Variants in CNTLN observed in about 807,000 individuals in gnomAD.
CNTLN encodes the protein centlein, also known as centlein, centrosomal protein.
Under a neutral mutation model 180.0 loss-of-function variants are expected in CNTLN, and 212 were observed. That is an observed-to-expected ratio of 1.18 (90% CI 1.05 to 1.32). The LOEUF is 1.32. Among genes scored for constraint, CNTLN ranks in the 40% most tolerant of loss-of-function variants. CNTLN has a pLI of 0.00. For synonymous variants in CNTLN, 722 were observed against 563.1 expected (o/e 1.28, Z -3.99); for missense variants, 2,095 against 1,610.9 (o/e 1.30, Z -5.14).
intron 14 of CNTLN, among the ~76,000 whole-genome samples, chr9:17,390,388 G>A (rs575288690): frequency 1.1e-4 from 17 of 151,682 alleles, no homozygotes; most frequent in African/African-American, 1.9e-4. Context: ...ACAGGTGTGC[G>A]CCACTATGCC....
intron 2 of CNTLN, among the ~76,000 whole-genome samples, chr9:17,218,072 T>C (rs1011780395): frequency 6.6e-6 from 1 of 152,146 alleles, no homozygotes; most frequent in African/African-American, 2.4e-5. Context: ...CATTTTAGTC[T>C]GATTGAATAA....
intron 12 of CNTLN, among the ~76,000 whole-genome samples, chr9:17,360,298 G>A (rs79641699): frequency 0.076 from 11,591 of 152,154 alleles, 488 homozygotes; most frequent in South Asian, 0.13. Context: ...CACTGCAGTC[G>A]GATTTTGCAG....
At chr9:17,435,534 T>A (rs1330832226) in intron 18 of CNTLN, among the ~76,000 whole-genome samples, 1 of 151,510 alleles carries the variant, frequency 6.6e-6, no homozygotes, top group Non-Finnish European at 1.5e-5. Flanking sequence ...CTATGAAAGG[T>A]AGTGAGAGTA....
intron 2 of CNTLN, among the ~76,000 whole-genome samples, chr9:17,176,888 A>G (rs75119737): frequency 0.054 from 8,227 of 152,102 alleles, 257 homozygotes; most frequent in East Asian, 0.17. Context: ...TTTTCTTGTT[A>G]TGGTTTTATG....
At chr9:17,282,337 C>A (rs1160531521) in intron 6 of CNTLN, among the ~76,000 whole-genome samples, 1 of 152,106 alleles carries the variant, frequency 6.6e-6, no homozygotes, top group Non-Finnish European at 1.5e-5. Flanking sequence ...CTCTAATGAT[C>A]AGTGATGTTG....
intron 13 of CNTLN, among the ~76,000 whole-genome samples, chr9:17,376,539 C>T (rs1824782967): frequency 6.6e-6 from 1 of 151,830 alleles, no homozygotes; most frequent in African/African-American, 2.4e-5. Context: ...GCAAGCTCCG[C>T]CTCCCGGGTT....
chr9:17,327,197 A>C (rs1820351487), intron 8 of CNTLN, among the ~76,000 whole-genome samples: 1 of 150,776 alleles, frequency 6.6e-6, no homozygotes, highest in Non-Finnish European at 1.5e-5. Context: ...TAAATGACAA[A>C]AATATAGTAG....
intron 13 of CNTLN, among the ~76,000 whole-genome samples, chr9:17,367,779 G>A (rs1481420261): frequency 1.3e-5 from 2 of 152,116 alleles, no homozygotes; most frequent in African/African-American, 4.8e-5. Flanking sequence ...AGGCAAGGAT[G>A]CAGTCCCGGC....
Position 17,332,677 on chromosome 9 carries a change from C to G in CNTLN, c.1591C>G (p.Leu531Val). Reference sequence around the variant, plus strand: ...CACAGACTCAGAAGAGCTACAGAAGCTGAGAAAAGCTGAAAGAAAGATTGA... The same window carrying G: ...CACAGACTCAGAAGAGCTACAGAAGGTGAGAAAAGCTGAAAGAAAGATTGA... ...SFTDSEELQK[L>V]RKAERKIENL... The change falls in exon 10 of 26, where the codon CTG becomes GTG. Residue 531 changes from leucine to valine, a missense_variant. Physicochemically the swap from Leu to Val is conservative, Grantham distance 32. Coordinates refer to ENST00000380647, the MANE Select transcript of CNTLN (RefSeq NM_017738.4). 6.2e-7 allele frequency: 1 copy of G among 1,606,822 alleles called. No homozygotes were observed.
intron 16 of CNTLN, among the ~76,000 whole-genome samples, chr9:17,410,917 G>T (rs1827797403): frequency 6.6e-6 from 1 of 152,062 alleles, no homozygotes. Flanking sequence ...TTACATTTTA[G>T]TAGTCTTGAT....
At chr9:17,452,458 G>A (rs1803041321) in intron 18 of CNTLN, among the ~76,000 whole-genome samples, 1 of 152,114 alleles carries the variant, frequency 6.6e-6, no homozygotes, top group South Asian at 2.1e-4. Context: ...ACAAATCAGG[G>A]GAATACGGGG....
chr9:17,402,975 C>T (rs1026461225), intron 15 of CNTLN, among the ~76,000 whole-genome samples: 3 of 151,796 alleles, frequency 2.0e-5, no homozygotes, highest in Non-Finnish European at 4.4e-5. Flanking sequence ...CTCTCTACTT[C>T]CCACTCCCAC....
At chr9:17,507,224 A>T (rs1199621692), downstream of CNTLN, among the ~76,000 whole-genome samples, 1 of 152,150 alleles carries the variant, frequency 6.6e-6, no homozygotes, top group Non-Finnish European at 1.5e-5. Flanking sequence ...TCCCACTTTT[A>T]AATGAGAACA....
At chr9:17,500,278 A>G (rs555959040) in intron 25 of CNTLN, among the ~76,000 whole-genome samples, 1 of 152,298 alleles carries the variant, frequency 6.6e-6, no homozygotes, top group African/African-American at 2.4e-5. Context: ...TCGTAAATGG[A>G]CTTCCCATTC....
chr9:17,219,072 C>T (rs1461348631), intron 2 of CNTLN, among the ~76,000 whole-genome samples: 3 of 152,086 alleles, frequency 2.0e-5, no homozygotes, highest in African/African-American at 7.2e-5. Flanking sequence ...ATGATTGGTG[C>T]TTAAAAGTTG....
intron 2 of CNTLN, among the ~76,000 whole-genome samples, chr9:17,179,010 C>G (rs913653193): frequency 6.8e-6 from 1 of 146,104 alleles, no homozygotes; most frequent in Non-Finnish European, 1.5e-5. Context: ...TTTGGGAGGC[C>G]GAGGCGGGCG....
chr9:17,517,089 C>T, the CNTLN span, among the ~76,000 whole-genome samples: 1 of 152,012 alleles, frequency 6.6e-6, no homozygotes, highest in African/African-American at 2.4e-5. Flanking sequence ...TCTCCTGTAT[C>T]TCATTTGGAA....
At chr9:17,393,641 G>C (rs964779704) in intron 14 of CNTLN, among the ~76,000 whole-genome samples, 1 of 152,142 alleles carries the variant, frequency 6.6e-6, no homozygotes, top group Admixed American at 6.5e-5. Flanking sequence ...CACGTTTTGA[G>C]ATGGTCAGAA....
At chr9:17,136,511 A>G (rs1262372627) in intron 1 of CNTLN, among the ~76,000 whole-genome samples, 2 of 152,126 alleles carry the variant, frequency 1.3e-5, no homozygotes, top group Non-Finnish European at 2.9e-5. Context: ...TTGTATTTTT[A>G]GTAGAGATGG....
Sources: allele counts gnomAD v4.1 joint callset (sites outside exome capture counted in the v4.1 genomes callset), GRCh38; gene constraint gnomAD v4.1.1; transcripts MANE v1.5; gene names NCBI Gene and HGNC (gene_info 2026-07-23, HGNC 2026-07-21).